Variants in ASIC2 observed in about 807,000 individuals in gnomAD.
The protein encoded by ASIC2 is acid-sensing ion channel 2.
In ASIC2, 25 loss-of-function variants were observed where a neutral mutation model predicts 57.3. That is an observed-to-expected ratio of 0.44 (90% CI 0.32 to 0.61). ASIC2 has a LOEUF of 0.61. ASIC2 is among the 20% of genes least tolerant of loss of function. ASIC2 has a pLI of 0.06. For missense variants in ASIC2, 641 were observed against 738.1 expected (o/e 0.87, Z 1.52); for synonymous variants, 319 against 307.5 (o/e 1.04, Z -0.39).
chr17:33,548,285 T>C (rs1421470040), intron 1 of ASIC2, among the ~76,000 whole-genome samples: 2 of 152,208 alleles, frequency 1.3e-5, no homozygotes, highest in Non-Finnish European at 2.9e-5. Context: ...AGACAACCTA[T>C]GACAGAATAA....
intron 1 of ASIC2, chr17:33,932,742 AT>A (rs1464290872): frequency 0.017 from 1,246 of 71,716 alleles, 24 homozygotes; most frequent in Admixed American, 0.027. Flanking sequence ...AAAAAAAAAA[AT>A]ATATATATAT....
chr17:33,192,245 T>C (rs1013552974), intron 1 of ASIC2, among the ~76,000 whole-genome samples: 1 of 152,078 alleles, frequency 6.6e-6, no homozygotes, highest in African/African-American at 2.4e-5. Context: ...TAGCCAGGCA[T>C]GTTGGTGGGT....
rs967313332 is a variant in ASIC2 at position 33,409,222 on chromosome 17, A to AT, written c.556-297156dup. ...AGAGTGAGACTCTGTCTAAAAAATA[A>AT]TTTTTTTAAAAAAAAGTTCCACTCC... On this transcript the variant is annotated intron_variant, in intron 1 of 9. Coordinates refer to the ASIC2 transcript ENST00000359872. 7.9e-5 allele frequency among the ~76,000 whole-genome samples: 12 copies of AT among 152,076 alleles called. 1 individual carries two copies. Among genetic ancestry groups the AT allele is most frequent in the Admixed American group, 2.6e-4 (4 of 15,278 alleles).
At chr17:33,648,947 C>A (rs1037387696) in intron 1 of ASIC2, among the ~76,000 whole-genome samples, 1 of 152,154 alleles carries the variant, frequency 6.6e-6, no homozygotes, top group Non-Finnish European at 1.5e-5. Flanking sequence ...CTCCAAAATA[C>A]TTGTAGCTAA....
intron 1 of ASIC2, among the ~76,000 whole-genome samples, chr17:34,089,954 C>A (rs935844863): frequency 6.6e-6 from 1 of 152,140 alleles, no homozygotes; most frequent in Non-Finnish European, 1.5e-5. Flanking sequence ...TTGGTTCCTG[C>A]AGGACAATGT....
intron 1 of ASIC2, among the ~76,000 whole-genome samples, chr17:33,827,309 A>G (rs1277228719): frequency 6.8e-6 from 1 of 146,222 alleles, no homozygotes; most frequent in Non-Finnish European, 1.5e-5. Context: ...CTTTAGACCC[A>G]TAGGACTAGG....
intron 1 of ASIC2, among the ~76,000 whole-genome samples, chr17:33,308,347 AG>A (rs1906268077): frequency 6.6e-6 from 1 of 152,192 alleles, no homozygotes; most frequent in Admixed American, 6.5e-5. Flanking sequence ...TTCAAGGCCT[AG>A]GTTCTATATA....
intron 3 of ASIC2, among the ~76,000 whole-genome samples, chr17:33,073,854 G>T (rs937835850): frequency 6.6e-6 from 1 of 152,230 alleles, no homozygotes; most frequent in Admixed American, 6.5e-5. Flanking sequence ...GTAAGGGGAG[G>T]TTTTGAGGAA....
At chr17:33,218,251 G>T (rs1461119496) in intron 1 of ASIC2, among the ~76,000 whole-genome samples, 2 of 152,202 alleles carry the variant, frequency 1.3e-5, no homozygotes, top group African/African-American at 4.8e-5. Context: ...AGAAGCCTGG[G>T]TGGGGCTTCT....
rs1012728669 is a variant in ASIC2 at position 33,273,785 on chromosome 17, C to T, written c.708+17623G>A. ...GCTCAGTGAACTGCCTCTCAAGATG[C>T]CAGTCCTTGAAAAGTTTAAAAAGTT... is the stretch of plus-strand genomic sequence containing the variant. On this transcript the variant is annotated intron_variant, in intron 1 of 9. Transcript: ENST00000225823. Among the ~76,000 whole-genome samples the T allele has an allele frequency of 3.3e-5, 5 of 151,942 alleles. No homozygotes were observed. In the East Asian group the frequency reaches 9.7e-4, roughly 30 times the overall value.
At position 33,111,898 on chromosome 17, in the gene ASIC2, GTCCC is replaced by G; in HGVS notation, c.859+15_859+18del. 6.2e-7 allele frequency: 1 copy of G among 1,602,622 alleles called. No individual in the cohort carries two copies. Among genetic ancestry groups the G allele is most frequent in the Non-Finnish European group, 8.5e-7 (1 of 1,174,338 alleles). On this transcript the variant is annotated intron_variant, in intron 2 of 9. Transcript: ENST00000225823. ...ACCCTCCACCATCACCCAATGCCCGGTCCCTGTGCCCAGCTCACCTGTCTCTCCC... is the reference window on the plus strand; with the variant it reads ...ACCCTCCACCATCACCCAATGCCCGGTGTGCCCAGCTCACCTGTCTCTCCC...
chr17:33,084,153 A>C (rs1013554228), intron 3 of ASIC2, among the ~76,000 whole-genome samples: 2 of 152,116 alleles, frequency 1.3e-5, no homozygotes, highest in African/African-American at 4.8e-5. Flanking sequence ...TTGAGTGAGC[A>C]GGGGCAGGGA....
intron 2 of ASIC2, among the ~76,000 whole-genome samples, chr17:33,106,382 T>A (rs911743616): frequency 6.6e-6 from 1 of 152,194 alleles, no homozygotes; most frequent in Non-Finnish European, 1.5e-5. Context: ...CAGATTGTAT[T>A]TGATAAAAAA....
chr17:34,074,757 G>A (rs1567810170), intron 1 of ASIC2, among the ~76,000 whole-genome samples: 1 of 150,248 alleles, frequency 6.7e-6, no homozygotes, highest in Non-Finnish European at 1.5e-5. Flanking sequence ...AGTAATCAGA[G>A]TGTGGCTTTT....
chr17:33,969,996 C>T (rs62057449), intron 1 of ASIC2, among the ~76,000 whole-genome samples: 15 of 152,150 alleles, frequency 9.9e-5, no homozygotes, highest in Non-Finnish European at 2.2e-4. Context: ...CTGCCGGTAC[C>T]ATTAGGATCT....
At chr17:33,337,397 A>G (rs369589413) in intron 1 of ASIC2, among the ~76,000 whole-genome samples, 5 of 150,502 alleles carry the variant, frequency 3.3e-5, no homozygotes, top group African/African-American at 1.2e-4. Context: ...GCCCAAAGGC[A>G]TGTAATAGTG....
chr17:33,692,360 C>A (rs1307931857), intron 1 of ASIC2: 1 of 151,962 alleles, frequency 6.6e-6, no homozygotes, highest in Non-Finnish European at 1.5e-5. Flanking sequence ...CTATCCTATC[C>A]TAGTTAAAAA....
intron 3 of ASIC2, among the ~76,000 whole-genome samples, chr17:33,062,854 GGTGCA>G (rs796086698): frequency 0.19 from 28,247 of 152,002 alleles, 2,703 homozygotes; most frequent in Non-Finnish European, 0.21. Flanking sequence ...TCCTGTATTG[GGTGCA>G]TATATATTTA....
At chr17:34,154,057 A>G (rs1347406923) in intron 1 of ASIC2, among the ~76,000 whole-genome samples, 2 of 152,204 alleles carry the variant, frequency 1.3e-5, no homozygotes. Context: ...TGCAGTCAGG[A>G]GGAAGCTAGA....
Sources: gnomAD v4.1 joint callset for allele counts (sites outside exome capture counted in the v4.1 genomes callset) on GRCh38, gnomAD v4.1.1 for gene constraint, MANE v1.5 for transcripts, NCBI Gene and HGNC (gene_info 2026-07-23, HGNC 2026-07-21) for gene names.